SCMH1: variants seen among roughly 807,000 people sequenced by gnomAD.
SCMH1 encodes the protein Scm polycomb group protein homolog 1, also known as polycomb protein SCMH1.
In SCMH1, 37 loss-of-function variants were observed where a neutral mutation model predicts 70.8. That is an observed-to-expected ratio of 0.52 (90% CI 0.40 to 0.69). The LOEUF is 0.69. Ranked by LOEUF, SCMH1 falls within the 30% of genes least tolerant of loss-of-function variation. The probability of loss-of-function intolerance (pLI) is 0.00; values close to 1 mark genes in which losing one functional copy is unlikely to be tolerated. For missense variants in SCMH1, 607 were observed against 827.3 expected (o/e 0.73, Z 3.27); for synonymous variants, 292 against 307.4 (o/e 0.95, Z 0.52).
At chr1:41,107,098 A>G (rs915694515) in intron 8 of SCMH1, among the ~76,000 whole-genome samples, 1 of 151,154 alleles carries the variant, frequency 6.6e-6, no homozygotes, top group African/African-American at 2.5e-5. Context: ...TCCCATTCTT[A>G]AGGTTTCAGC....
intron 1 of SCMH1, among the ~76,000 whole-genome samples, chr1:41,188,063 T>C (rs529440501): frequency 1.3e-5 from 2 of 152,312 alleles, no homozygotes; most frequent in African/African-American, 4.8e-5. Context: ...AGTTCTTGTA[T>C]TTATTCCAAA....
chr1:41,058,378 G>GTTTTTTTTTTTTTTTTTTTTTTT (rs548733204), intron 10 of SCMH1, among the ~76,000 whole-genome samples: 1 of 81,640 alleles, frequency 1.2e-5, no homozygotes, highest in Non-Finnish European at 2.1e-5. Flanking sequence ...TTTCTTTCTT[G>GTTTTTTTTTTTTTTTTTTTTTTT]TTTTTTTTTT....
Position 41,224,858 on chromosome 1 carries a change from T to C in SCMH1, c.-118+17201A>G, listed in dbSNP as rs540235342. Among the ~76,000 whole-genome samples the C allele has an allele frequency of 2.6e-5, 4 of 152,324 alleles. No homozygotes were observed. The South Asian group carries it at 6.2e-4, about 24-fold the overall frequency. On this transcript the variant is annotated intron_variant, in intron 1 of 14. Transcript: ENST00000337495. ...GGACAAATGTCAGTTGTTCCTTTAT[T>C]ACAAGTGAAGAAAAAAAGATTTAGA...
intron 13 of SCMH1, among the ~76,000 whole-genome samples, chr1:41,031,930 C>T (rs1028599261): frequency 2.0e-5 from 3 of 152,126 alleles, no homozygotes; most frequent in African/African-American, 7.2e-5. Context: ...CCCTCCCTAC[C>T]CACATGATAA....
chr1:41,229,655 G>A (rs1188967726), intron 1 of SCMH1, among the ~76,000 whole-genome samples: 4 of 152,012 alleles, frequency 2.6e-5, no homozygotes, highest in Non-Finnish European at 5.9e-5. Context: ...CAAGTTAATA[G>A]GTGCAGCAAA....
intron 8 of SCMH1, among the ~76,000 whole-genome samples, chr1:41,089,445 A>G (rs929731181): frequency 4.5e-4 from 68 of 152,198 alleles, no homozygotes; most frequent in African/African-American, 1.5e-3. Flanking sequence ...TAACTTGAAA[A>G]TGTATTAACA....
intron 6 of SCMH1, among the ~76,000 whole-genome samples, chr1:41,132,359 T>G (rs1461983353): frequency 6.6e-6 from 1 of 152,330 alleles, no homozygotes; most frequent in Admixed American, 6.5e-5. Context: ...TTGAGAAGTG[T>G]CTGTTCATAT....
Position 41,160,919 on chromosome 1 carries a change from G to A in SCMH1, c.83-21C>T, listed in dbSNP as rs1305819976. 3 of 1,549,154 alleles carry A rather than the reference G, an allele frequency of 1.9e-6. No homozygotes were observed. In the Admixed American group the frequency reaches 5.9e-5, roughly 30 times the overall value. ...AGCTTCTAGTAAAGAAAAAAATGTT[G>A]GAGCATAAGTCATTAAGACAAACAT... is the stretch of plus-strand genomic sequence containing the variant. On this transcript the variant is annotated intron_variant, in intron 3 of 14. Transcript: ENST00000337495.
intron 1 of SCMH1, among the ~76,000 whole-genome samples, chr1:41,221,139 G>C (rs1659163918): frequency 6.6e-6 from 1 of 152,126 alleles, no homozygotes; most frequent in African/African-American, 2.4e-5. Context: ...AATTTCAAGA[G>C]TGCATGCAGT....
At chr1:41,074,837 A>G (rs901698553) in intron 9 of SCMH1, among the ~76,000 whole-genome samples, 1 of 152,162 alleles carries the variant, frequency 6.6e-6, no homozygotes, top group African/African-American at 2.4e-5. Context: ...TCCAAGAGAG[A>G]TGGGTATGGA....
chr1:41,225,422 A>G (rs111879265), intron 1 of SCMH1, among the ~76,000 whole-genome samples: 12 of 152,324 alleles, frequency 7.9e-5, no homozygotes, highest in Admixed American at 2.0e-4. Flanking sequence ...TTCCCAATTT[A>G]TCCAATCAAC....
intron 10 of SCMH1, among the ~76,000 whole-genome samples, chr1:41,061,839 T>C (rs574438549): frequency 6.6e-6 from 1 of 152,252 alleles, no homozygotes; most frequent in South Asian, 2.1e-4. Context: ...ATAAAACACA[T>C]CTGAATATAT....
At chr1:41,209,363 T>C (rs540300795) in intron 1 of SCMH1, among the ~76,000 whole-genome samples, 19 of 152,336 alleles carry the variant, frequency 1.2e-4, no homozygotes, top group Admixed American at 1.1e-3. Flanking sequence ...CTAACTCATT[T>C]TATGAGGCCA....
intron 5 of SCMH1, among the ~76,000 whole-genome samples, chr1:41,149,780 TGTTCTA>T (rs1048444193): frequency 1.3e-5 from 2 of 152,212 alleles, no homozygotes; most frequent in Admixed American, 1.3e-4. Flanking sequence ...AATTATGAGA[TGTTCTA>T]GTCTAGCTGG....
chr1:41,155,420 C>CAACA (rs775839170), intron 4 of SCMH1, among the ~76,000 whole-genome samples: 2 of 151,968 alleles, frequency 1.3e-5, no homozygotes, highest in East Asian at 1.9e-4. Flanking sequence ...ATGGAGCTTA[C>CAACA]AACAAACAAA....
At chr1:41,123,645 C>G (rs976044619) in intron 6 of SCMH1, among the ~76,000 whole-genome samples, 3 of 152,062 alleles carry the variant, frequency 2.0e-5, no homozygotes, top group Admixed American at 1.3e-4. Flanking sequence ...TCTAGACAGC[C>G]CTCTTTAGAA....
chr1:41,150,983 C>T (rs1425499081), intron 5 of SCMH1, among the ~76,000 whole-genome samples: 2 of 146,838 alleles, frequency 1.4e-5, no homozygotes, highest in South Asian at 2.2e-4. Flanking sequence ...TCAAACTCAA[C>T]CTGAAATGTT....
chr1:41,152,527 T>A (rs540800433), intron 4 of SCMH1: 2 of 1,504,988 alleles, frequency 1.3e-6, no homozygotes, highest in Non-Finnish European at 1.8e-6. Context: ...ACAGACCTCA[T>A]TGGATCACTA....
At chr1:41,122,461 C>A (rs1366601907) in intron 6 of SCMH1, among the ~76,000 whole-genome samples, 1 of 152,134 alleles carries the variant, frequency 6.6e-6, no homozygotes, top group Non-Finnish European at 1.5e-5. Context: ...TCTGAATTTT[C>A]TTTTTAAAAA....
Sources: gnomAD v4.1 joint callset for allele counts (sites outside exome capture counted in the v4.1 genomes callset) on GRCh38, gnomAD v4.1.1 for gene constraint, MANE v1.5 for transcripts, NCBI Gene and HGNC (gene_info 2026-07-23, HGNC 2026-07-21) for gene names.